PPFIA2: variants seen among roughly 807,000 people sequenced by gnomAD.
The protein encoded by PPFIA2 is PPFI scaffold protein A2.
PPFIA2 carries 46 observed loss-of-function variants against 175.5 expected under a neutral mutation model. The ratio of observed to expected loss-of-function variants is 0.26; its 90% CI spans 0.21 to 0.34. The LOEUF (loss-of-function observed/expected upper bound fraction) is 0.34, where lower values mean the gene tolerates loss of function less well. PPFIA2 is among the 10% of genes least tolerant of loss of function. The pLI, the probability that PPFIA2 is intolerant of heterozygous loss-of-function variation, is 1.00. For synonymous variants in PPFIA2, 568 were observed against 511.4 expected (o/e 1.11, Z -1.49); for missense variants, 1,179 against 1,506.1 (o/e 0.78, Z 3.60).
chr12:81,580,301 G>C (rs945541890), intron 4 of PPFIA2, among the ~76,000 whole-genome samples: 3 of 151,692 alleles, frequency 2.0e-5, no homozygotes, highest in Non-Finnish European at 4.4e-5. Flanking sequence ...AAAAAGTGAA[G>C]TTAGAAAGAT....
At chr12:81,596,909 G>T (rs536830693) in intron 4 of PPFIA2, among the ~76,000 whole-genome samples, 1 of 152,104 alleles carries the variant, frequency 6.6e-6, no homozygotes, top group Non-Finnish European at 1.5e-5. Context: ...AGTATAGAAA[G>T]GGGAGAGAGA....
chr12:81,543,179 G>T (rs1456992132), intron 4 of PPFIA2, among the ~76,000 whole-genome samples: 1 of 152,046 alleles, frequency 6.6e-6, no homozygotes, highest in Non-Finnish European at 1.5e-5. Flanking sequence ...TCCAATAAAA[G>T]AAGTTAAAGA....
chr12:81,747,117 A>G (rs769564908), intron 3 of PPFIA2, among the ~76,000 whole-genome samples: 1 of 144,272 alleles, frequency 6.9e-6, no homozygotes, highest in Non-Finnish European at 1.6e-5. Context: ...AAGCAAGCAG[A>G]TATTTTATTT....
chr12:81,497,511 A>G (rs1594024185), intron 4 of PPFIA2, among the ~76,000 whole-genome samples: 1 of 144,980 alleles, frequency 6.9e-6, no homozygotes, highest in African/African-American at 2.6e-5. Flanking sequence ...TTTAAGTGAC[A>G]TCCCTATTTC....
intron 22 of PPFIA2, among the ~76,000 whole-genome samples, chr12:81,299,771 T>G (rs149273755): frequency 1.2e-4 from 18 of 152,276 alleles, no homozygotes; most frequent in African/African-American, 4.3e-4. Context: ...CCTCTTTGCC[T>G]TACTATCTCC....
chr12:81,349,633 GA>G (rs2059669116), intron 17 of PPFIA2, among the ~76,000 whole-genome samples: 1 of 136,386 alleles, frequency 7.3e-6, no homozygotes, highest in South Asian at 2.3e-4. Context: ...ATGACTCCTA[GA>G]AATTTTTTTC....
chr12:81,554,714 T>C (rs2068539025), intron 4 of PPFIA2, among the ~76,000 whole-genome samples: 1 of 152,074 alleles, frequency 6.6e-6, no homozygotes, highest in South Asian at 2.1e-4. Context: ...ACAACGATTG[T>C]ATTCCAATTA....
chr12:81,456,432 A>G (rs2053581042), intron 5 of PPFIA2, among the ~76,000 whole-genome samples: 1 of 152,222 alleles, frequency 6.6e-6, no homozygotes, highest in Non-Finnish European at 1.5e-5. Flanking sequence ...AAATAAGGAC[A>G]TAAATTCAGT....
At chr12:81,386,055 G>A (rs1162811304) in intron 8 of PPFIA2, among the ~76,000 whole-genome samples, 1 of 151,614 alleles carries the variant, frequency 6.6e-6, no homozygotes. Flanking sequence ...GCAGGAGACT[G>A]CTTGAGGCGA....
At chr12:81,291,986 T>C (rs1457583500) in intron 24 of PPFIA2, among the ~76,000 whole-genome samples, 1 of 152,138 alleles carries the variant, frequency 6.6e-6, no homozygotes, top group Non-Finnish European at 1.5e-5. Context: ...CTTTAAACAA[T>C]TGAATGTTAA....
chr12:81,521,780 G>A (rs1374020395), intron 4 of PPFIA2, among the ~76,000 whole-genome samples: 3 of 149,918 alleles, frequency 2.0e-5, no homozygotes, highest in East Asian at 2.0e-4. Flanking sequence ...AGATCGCGCC[G>A]CTGCACTCCA....
At chr12:81,267,768 G>A in intron 29 of PPFIA2, 144 bp downstream of exon 29, 1 of 492,318 alleles carries the variant, frequency 2.0e-6, no homozygotes, top group Non-Finnish European at 3.1e-6. Flanking sequence ...CCACTAGCCT[G>A]AAATTAAAAC....
At chr12:81,623,364 A>C (rs1233180488) in intron 4 of PPFIA2, among the ~76,000 whole-genome samples, 1 of 152,044 alleles carries the variant, frequency 6.6e-6, no homozygotes, top group East Asian at 1.9e-4. Context: ...GTGTCATGAG[A>C]AATACAAACT....
At chr12:81,584,159 T>A (rs2074835768) in intron 4 of PPFIA2, among the ~76,000 whole-genome samples, 1 of 151,860 alleles carries the variant, frequency 6.6e-6, no homozygotes, top group Admixed American at 6.6e-5. Context: ...GTTTCCTGAA[T>A]GAAAGAACAG....
chr12:81,685,469 C>G (rs2074302203), intron 3 of PPFIA2, among the ~76,000 whole-genome samples: 1 of 151,994 alleles, frequency 6.6e-6, no homozygotes. Flanking sequence ...TATAGGCCAG[C>G]CTGAATCTGA....
At chr12:81,501,193 A>C (rs2060559459) in intron 4 of PPFIA2, among the ~76,000 whole-genome samples, 1 of 152,152 alleles carries the variant, frequency 6.6e-6, no homozygotes, top group African/African-American at 2.4e-5. Flanking sequence ...ATTCATTCTC[A>C]TACAGCTGAA....
At chr12:81,458,070 C>T (rs1566916484) in intron 4 of PPFIA2, among the ~76,000 whole-genome samples, 1 of 152,196 alleles carries the variant, frequency 6.6e-6, no homozygotes, top group South Asian at 2.1e-4. Flanking sequence ...TATTACAGTA[C>T]ACTGCTTAGA....
In PPFIA2 at chr12:81,365,496, G is replaced by T. The variant is rs143698006; in HGVS notation, c.1545+1612C>A. Among the ~76,000 whole-genome samples the T allele has an allele frequency of 5.7e-3, 868 of 151,778 alleles. 2 individuals carry two copies. The highest frequency in any genetic ancestry group is 8.5e-3 in the Non-Finnish European group (576 of 67,776). ...TGGGGGAGTGGGTTCTGGGGATATT[G>T]CCAGGAGCACACAGAGCTTTGGATA... is the stretch of plus-strand genomic sequence containing the variant. On this transcript the variant is annotated intron_variant, in intron 14 of 32. Coordinates refer to ENST00000549396, the MANE Select transcript of PPFIA2 (RefSeq NM_003625.5).
Position 81,642,083 on chromosome 12 carries a change from T to A in PPFIA2, c.303+34708A>T, listed in dbSNP as rs541532930. On this transcript the variant is annotated intron_variant, in intron 4 of 32. Coordinates refer to ENST00000549396, the MANE Select transcript of PPFIA2 (RefSeq NM_003625.5). Reference sequence around the variant, plus strand: ...ATGGAGATGATTTCAATGATTTATATCATTGTTATATATATGTAGATATAT... The same window carrying A: ...ATGGAGATGATTTCAATGATTTATAACATTGTTATATATATGTAGATATAT... Among the ~76,000 whole-genome samples, 5 of 152,260 alleles carry A rather than the reference T, an allele frequency of 3.3e-5. No individual in the cohort carries two copies. In the East Asian group the frequency reaches 9.6e-4, roughly 29 times the overall value.
Sources: gnomAD v4.1 joint callset for allele counts (sites outside exome capture counted in the v4.1 genomes callset) on GRCh38, gnomAD v4.1.1 for gene constraint, MANE v1.5 for transcripts, NCBI Gene and HGNC (gene_info 2026-07-23, HGNC 2026-07-21) for gene names.